The following SETD5 variants were observed in gnomAD, a reference collection of about 807,000 sequenced individuals.
SETD5 encodes the protein histone-lysine N-methyltransferase SETD5.
In SETD5, 44 loss-of-function variants were observed where a neutral mutation model predicts 153.3. The ratio of observed to expected loss-of-function variants is 0.29; its 90% CI spans 0.23 to 0.37. The LOEUF is 0.37. SETD5 is among the 10% of genes least tolerant of loss of function. SETD5 has a pLI of 1.00. For synonymous variants in SETD5, 716 were observed against 645.2 expected, an observed-to-expected ratio of 1.11 and a Z score of -1.66; for missense variants, 1,544 against 1,768.0, an observed-to-expected ratio of 0.87 and a Z score of 2.27.
chr3:9,470,008 C>G (rs143764046), intron 18 of SETD5, among the ~76,000 whole-genome samples: 1 of 152,130 alleles, frequency 6.6e-6, no homozygotes, highest in South Asian at 2.1e-4. Context: ...CCCTTCCCCC[C>G]ACCTTCCATC....
intron 8 of SETD5, among the ~76,000 whole-genome samples, 180 bp from the exon 9 acceptor site, chr3:9,441,413 G>A (rs2041277334): frequency 1.3e-5 from 2 of 149,360 alleles, no homozygotes; most frequent in Admixed American, 1.3e-4. Flanking sequence ...ACTAGATGTA[G>A]CATGTCTCTT....
At position 9,433,956 on chromosome 3, in the gene SETD5, T is replaced by C; in HGVS notation, c.177+6T>C. ...GTCGAGGACTGCCTTATGCTGTGAG[T>C]ATGCATTTGTTTCTCTCCAGAACAG... On this transcript the variant is annotated splice_donor_region_variant and intron_variant, in intron 4 of 22. Coordinates refer to ENST00000402198, the MANE Select transcript of SETD5 (RefSeq NM_001080517.3). 1 of 1,613,690 alleles carries C rather than the reference T, an allele frequency of 6.2e-7. No individual in the cohort carries two copies. The highest frequency in any genetic ancestry group is 8.5e-7 in the Non-Finnish European group (1 of 1,179,654).
chr3:9,462,444 G>A (rs1022613864), intron 17 of SETD5, among the ~76,000 whole-genome samples: 5 of 151,414 alleles, frequency 3.3e-5, no homozygotes, highest in African/African-American at 7.3e-5. Flanking sequence ...AAAATTAGCC[G>A]GGTGTGGTAG....
At chr3:9,474,753 T>A in intron 21 of SETD5, 171 bp downstream of exon 21, 1 of 870,866 alleles carries the variant, frequency 1.1e-6, no homozygotes, top group Non-Finnish European at 1.7e-6. Context: ...ATTTGTAAGA[T>A]CTAGCATTGC....
intron 17 of SETD5, among the ~76,000 whole-genome samples, chr3:9,464,106 C>T (rs534420839): frequency 1.8e-4 from 28 of 152,010 alleles, no homozygotes; most frequent in African/African-American, 6.3e-4. Context: ...CCAGCCTTAG[C>T]GACAGAGCAA....
chr3:9,446,606 C>A (rs1396498391), intron 13 of SETD5, among the ~76,000 whole-genome samples: 1 of 151,894 alleles, frequency 6.6e-6, no homozygotes, highest in Non-Finnish European at 1.5e-5. Flanking sequence ...AATTCCCCTT[C>A]CTTAGCCTCC....
chr3:9,463,745 G>A (rs1270699314), intron 17 of SETD5, among the ~76,000 whole-genome samples: 1 of 152,212 alleles, frequency 6.6e-6, no homozygotes, highest in Non-Finnish European at 1.5e-5. Context: ...AAGGAATTTG[G>A]ATTTAGCATC....
chr3:9,429,203 C>T (rs2039666606), intron 3 of SETD5, 194 bp downstream of exon 3: 1 of 368,148 alleles, frequency 2.7e-6, no homozygotes, highest in African/African-American at 2.1e-5. Context: ...GAAGAGTTTT[C>T]AGAGGGGTAT....
chr3:9,458,314 A>AT (rs1398719852), intron 17 of SETD5, among the ~76,000 whole-genome samples: 1 of 152,034 alleles, frequency 6.6e-6, no homozygotes, highest in Non-Finnish European at 1.5e-5. Context: ...AAATATATAT[A>AT]TTTTTTTAAT....
rs200761097 is a variant in SETD5, at chr3:9,413,649, G to GGGTGTGTGTGT, written c.-176-10817_-176-10816insGTGTGTGTGTG. Among the ~76,000 whole-genome samples the GGGTGTGTGTGT allele has an allele frequency of 8.1e-3, 1,134 of 140,436 alleles. 13 individuals carry two copies. Among genetic ancestry groups the GGGTGTGTGTGT allele is most frequent in the Non-Finnish European group, 0.012 (796 of 64,746 alleles). 92.1% of individuals were successfully genotyped at this position (140,436 alleles called of 152,430 possible). ...AGCTTCTTCGGGTGGGGGGAGGCGGGGTGTGTGTGTGTGTGTGTGTGTGTG... is the reference window on the plus strand; with the variant it reads ...AGCTTCTTCGGGTGGGGGGAGGCGGGGGTGTGTGTGTGTGTGTGTGTGTGTGTGTGTGTGTG... On this transcript the variant is annotated intron_variant, in intron 1 of 22. Transcript: ENST00000402198.
chr3:9,402,532 A>C (rs2034959962), intron 1 of SETD5, among the ~76,000 whole-genome samples: 1 of 152,068 alleles, frequency 6.6e-6, no homozygotes, highest in South Asian at 2.1e-4. Context: ...TATTTTTAAA[A>C]CACTTAAGTT....
At chr3:9,418,728 G>A (rs1262529844) in intron 1 of SETD5, among the ~76,000 whole-genome samples, 4 of 151,686 alleles carry the variant, frequency 2.6e-5, no homozygotes, top group South Asian at 2.1e-4. Context: ...GCTTGAACCC[G>A]GGAGGTGGAG....
At chr3:9,417,752 T>C (rs1028149093) in intron 1 of SETD5, among the ~76,000 whole-genome samples, 3 of 151,700 alleles carry the variant, frequency 2.0e-5, no homozygotes, top group African/African-American at 7.3e-5. Flanking sequence ...CCCAAAGTGC[T>C]GGGATTATAG....
At chr3:9,415,537 T>C (rs959640256) in intron 1 of SETD5, among the ~76,000 whole-genome samples, 1 of 152,116 alleles carries the variant, frequency 6.6e-6, no homozygotes, top group African/African-American at 2.4e-5. Flanking sequence ...TATATTAGTG[T>C]TTGTTTGAGT....
chr3:9,409,378 T>G (rs955630427), intron 1 of SETD5, among the ~76,000 whole-genome samples: 1 of 152,194 alleles, frequency 6.6e-6, no homozygotes, highest in Non-Finnish European at 1.5e-5. Flanking sequence ...CTTAGCAACA[T>G]CTAAAGACGT....
chr3:9,460,810 T>C (rs1460954729), intron 17 of SETD5, among the ~76,000 whole-genome samples: 2 of 152,138 alleles, frequency 1.3e-5, no homozygotes, highest in Non-Finnish European at 2.9e-5. Context: ...TTTTTTGTAA[T>C]GGCAGTTTGT....
At chr3:9,412,179 G>C (rs1374493067) in intron 1 of SETD5, among the ~76,000 whole-genome samples, 2 of 151,956 alleles carry the variant, frequency 1.3e-5, no homozygotes, top group Non-Finnish European at 2.9e-5. Context: ...ATTAGTTCAG[G>C]TTTGATTTTT....
chr3:9,407,993 T>G (rs1240257183), intron 1 of SETD5, among the ~76,000 whole-genome samples: 1 of 67,440 alleles, frequency 1.5e-5, no homozygotes, highest in African/African-American at 6.8e-5. Context: ...AGAGCAAAAC[T>G]ATGTCTCAAA....
At chr3:9,433,614 C>A (rs1008619800) in intron 3 of SETD5, 5 of 1,124,178 alleles carry the variant, frequency 4.4e-6, no homozygotes, top group Non-Finnish European at 4.8e-6. Flanking sequence ...TGCCTGCCTT[C>A]AGACATCTGC....
Sources: gnomAD v4.1 joint callset for allele counts (sites outside exome capture counted in the v4.1 genomes callset) on GRCh38, gnomAD v4.1.1 for gene constraint, MANE v1.5 for transcripts, NCBI Gene and HGNC (gene_info 2026-07-23, HGNC 2026-07-21) for gene names.